TCF20: variants seen among roughly 807,000 people sequenced by gnomAD.
The protein encoded by TCF20 is SPRE-binding protein.
In TCF20, 3 loss-of-function variants were observed where a neutral mutation model predicts 148.6. The observed-to-expected ratio is 0.02, with a 90% CI of 0.01 to 0.05. The LOEUF (loss-of-function observed/expected upper bound fraction) is 0.05. Ranked by LOEUF, TCF20 falls within the 10% of genes least tolerant of loss-of-function variation. The pLI, the probability that TCF20 is intolerant of heterozygous loss-of-function variation, is 1.00. For synonymous variants in TCF20, 1,049 were observed against 909.5 expected (o/e 1.15, Z -2.76); for missense variants, 2,350 against 2,429.3 (o/e 0.97, Z 0.69).
chr22:42,161,552 G>T (rs1935460990), intron 5 of TCF20, among the ~76,000 whole-genome samples, 194 bp from the exon 6 acceptor site: 1 of 152,206 alleles, frequency 6.6e-6, no homozygotes, highest in Non-Finnish European at 1.5e-5. Context: ...TCTGGAATGT[G>T]ATTAAAGGCA....
At chr22:42,193,475 G>A (rs986067496) in intron 2 of TCF20, among the ~76,000 whole-genome samples, 8 of 151,840 alleles carry the variant, frequency 5.3e-5, no homozygotes, top group African/African-American at 1.5e-4. Flanking sequence ...GGGACCACAG[G>A]TGCATACCAC....
chr22:42,191,496 C>T (rs530285490), intron 2 of TCF20, among the ~76,000 whole-genome samples: 61 of 152,250 alleles, frequency 4.0e-4, no homozygotes, highest in African/African-American at 1.4e-3. Context: ...ACCATATTGG[C>T]CAGGCTGGTC....
At chr22:42,298,036 A>T (rs1569203804) in intron 1 of TCF20, among the ~76,000 whole-genome samples, 1 of 152,102 alleles carries the variant, frequency 6.6e-6, no homozygotes, top group Non-Finnish European at 1.5e-5. Context: ...CTCAAAGCAA[A>T]CCCATGGGAG....
chr22:42,270,272 C>CCCCGG (rs1284172740), intron 1 of TCF20, among the ~76,000 whole-genome samples, 67 bp downstream of exon 1: 4 of 151,926 alleles, frequency 2.6e-5, no homozygotes, highest in Admixed American at 6.5e-5. Flanking sequence ...AGGCCGGACA[C>CCCCGG]CCCGGCCCGG....
At chr22:42,323,919 G>A (rs1373893074) in intron 1 of TCF20, among the ~76,000 whole-genome samples, 29 of 118,272 alleles carry the variant, frequency 2.5e-4, no homozygotes, top group South Asian at 6.1e-4. Context: ...TGGTGGTGAT[G>A]GAGGTTATGG....
chr22:42,251,195 G>T (rs1243086772), intron 1 of TCF20, among the ~76,000 whole-genome samples: 1 of 152,052 alleles, frequency 6.6e-6, no homozygotes, highest in Non-Finnish European at 1.5e-5. Flanking sequence ...GTAAATAAGT[G>T]GTTTTTCTGT....
intron 2 of TCF20, among the ~76,000 whole-genome samples, chr22:42,186,334 T>C (rs1244890638): frequency 6.6e-6 from 1 of 152,230 alleles, no homozygotes; most frequent in Non-Finnish European, 1.5e-5. Context: ...AGTATTTGCT[T>C]TGCCTTCTGC....
At chr22:42,226,119 G>C (rs1391983250) in intron 1 of TCF20, among the ~76,000 whole-genome samples, 2 of 152,094 alleles carry the variant, frequency 1.3e-5, no homozygotes, top group Admixed American at 6.6e-5. Flanking sequence ...ATTTTCACAG[G>C]GGCATCCCAA....
At chr22:42,300,416 A>G (rs1927317148) in intron 1 of TCF20, among the ~76,000 whole-genome samples, 1 of 151,740 alleles carries the variant, frequency 6.6e-6, no homozygotes, top group Non-Finnish European at 1.5e-5. Flanking sequence ...AAAGCGCCAC[A>G]TGGGCCAAAT....
chr22:42,230,894 C>T (rs571498254), intron 1 of TCF20, among the ~76,000 whole-genome samples: 1 of 152,168 alleles, frequency 6.6e-6, no homozygotes, highest in South Asian at 2.1e-4. Flanking sequence ...TGAGGTGGCT[C>T]ACGTCTGTAA....
intron 1 of TCF20, among the ~76,000 whole-genome samples, chr22:42,328,228 G>A (rs987741854): frequency 2.0e-5 from 3 of 151,970 alleles, no homozygotes; most frequent in Admixed American, 2.0e-4. Context: ...TTCTGCCCAC[G>A]TGTCCGCTCC....
At position 42,263,832 on chromosome 22, in the gene TCF20, G is replaced by A. The variant is rs1285957298; in HGVS notation, c.-37+6507C>T. Among the ~76,000 whole-genome samples, 4 of 152,148 alleles carry A rather than the reference G, an allele frequency of 2.6e-5. No homozygotes were observed. The East Asian group carries it at 7.7e-4, about 29-fold the overall frequency. On this transcript the variant is annotated intron_variant, in intron 1 of 5. Transcript: ENST00000677622. ...AGGAGCTTCCTTTTTCCACTCAAGA[G>A]CCACTGTGAACTATGCTGGTAAGAG...
In TCF20 at chr22:42,212,394, G is replaced by T. The variant is rs767703944; in HGVS notation, c.2912C>A (p.Thr971Asn). Residue 971 changes from threonine (T) to asparagine (N), a missense_variant, in exon 2 of 6, where the codon ACC becomes AAC. Transcript: ENST00000677622. ...GCCATAGTCTGAAAGGGAATCATGG[G>T]TTGCTGCTCCAGGGCTGGCATTGCC... ...YRGNASPGAA[T>N]HDSLSDYGPQ... is the part of the protein sequence containing the mutation. The T allele has an allele frequency of 6.2e-7, 1 of 1,614,252 alleles. No individual in the cohort carries two copies. Among genetic ancestry groups the T allele is most frequent in the Non-Finnish European group, 8.5e-7 (1 of 1,180,054 alleles).
intron 1 of TCF20, among the ~76,000 whole-genome samples, chr22:42,235,593 C>T (rs1923816869): frequency 6.6e-6 from 1 of 152,212 alleles, no homozygotes; most frequent in Non-Finnish European, 1.5e-5. Context: ...CATACAATTG[C>T]TTCCACTATT....
At chr22:42,282,755 CG>C (rs1275992892) in intron 1 of TCF20, among the ~76,000 whole-genome samples, 2 of 152,130 alleles carry the variant, frequency 1.3e-5, no homozygotes, top group African/African-American at 4.8e-5. Flanking sequence ...AGGCCTCCTC[CG>C]GGGTGAGCTG....
intron 2 of TCF20, among the ~76,000 whole-genome samples, chr22:42,198,623 A>G (rs1303343360): frequency 6.6e-6 from 1 of 152,162 alleles, no homozygotes; most frequent in Non-Finnish European, 1.5e-5. Flanking sequence ...TGACAAGAAG[A>G]AAAAAGTCTG....
At chr22:42,192,530 A>T (rs1937387572) in intron 2 of TCF20, among the ~76,000 whole-genome samples, 1 of 152,232 alleles carries the variant, frequency 6.6e-6, no homozygotes, top group South Asian at 2.1e-4. Context: ...AGGCAGGGGC[A>T]GCCTGACAGG....
At chr22:42,168,289 G>C (rs1157589005) in intron 5 of TCF20, among the ~76,000 whole-genome samples, 1 of 152,140 alleles carries the variant, frequency 6.6e-6, no homozygotes, top group Non-Finnish European at 1.5e-5. Flanking sequence ...ACTGGCAAGA[G>C]ATGCCCTGCC....
At chr22:42,161,434 A>ACC in intron 5 of TCF20, 76 bp from the exon 6 acceptor site, 1 of 1,602,734 alleles carries the variant, frequency 6.2e-7, no homozygotes, top group Non-Finnish European at 8.5e-7. Flanking sequence ...GTTCCGTGGT[A>ACC]CCCCTGGGAG....
Sources: gnomAD v4.1 joint callset for allele counts (sites outside exome capture counted in the v4.1 genomes callset) on GRCh38, gnomAD v4.1.1 for gene constraint, MANE v1.5 for transcripts, NCBI Gene and HGNC (gene_info 2026-07-23, HGNC 2026-07-21) for gene names.